Variants in NLRP14 observed in about 807,000 individuals in gnomAD.
The protein encoded by NLRP14 is NLR family pyrin domain containing 14, also known as NACHT, LRR and PYD domains-containing protein 14.
In NLRP14, 105 loss-of-function variants were observed where a neutral mutation model predicts 94.7. The ratio of observed to expected loss-of-function variants is 1.11; its 90% CI spans 0.95 to 1.30. The LOEUF is 1.30. Ranked by LOEUF, NLRP14 falls within the 50% of genes most tolerant of loss-of-function variation. The pLI is 0.00. For missense variants in NLRP14, 1,362 were observed against 1,254.1 expected, an observed-to-expected ratio of 1.09 and a Z score of -1.30; for synonymous variants, 508 against 459.9, an observed-to-expected ratio of 1.10 and a Z score of -1.34.
intron 9 of NLRP14, among the ~76,000 whole-genome samples, chr11:7,061,209 G>A (rs997306008): frequency 6.6e-6 from 1 of 152,028 alleles, no homozygotes; most frequent in Non-Finnish European, 1.5e-5. Context: ...CAATTACACT[G>A]TAGGGTTCAA....
downstream of NLRP14, among the ~76,000 whole-genome samples, chr11:7,074,689 G>T (rs1453017719): frequency 6.6e-6 from 1 of 152,164 alleles, no homozygotes; most frequent in African/African-American, 2.4e-5. Context: ...GAGTGATTGA[G>T]GCATAAGTCT....
chr11:7,088,690 T>TAAG, the NLRP14 span, among the ~76,000 whole-genome samples: 58 of 2,648 alleles, frequency 0.022, 2 homozygotes, highest in South Asian at 0.45. Context: ...ATAATTTTAG[T>TAAG]AATTTAAAAA....
chr11:7,089,020 C>T, the NLRP14 span: 1 of 1,407,572 alleles, frequency 7.1e-7, no homozygotes, highest in Non-Finnish European at 9.8e-7. Flanking sequence ...TAGGCGCCGC[C>T]TGACCAGTAG....
At chr11:7,050,653 T>C (rs552594828) in intron 6 of NLRP14, among the ~76,000 whole-genome samples, 1 of 152,280 alleles carries the variant, frequency 6.6e-6, no homozygotes, top group Admixed American at 6.5e-5. Flanking sequence ...AATCCAGGTG[T>C]AGGAAAAATA....
the NLRP14 span, among the ~76,000 whole-genome samples, chr11:7,087,475 G>C: frequency 6.6e-6 from 1 of 152,146 alleles, no homozygotes; most frequent in Admixed American, 6.5e-5. Flanking sequence ...TGTGCCAGGA[G>C]AGCATATCTC....
At chr11:7,023,791 G>T (rs1304435526) in intron 1 of NLRP14, among the ~76,000 whole-genome samples, 1 of 152,010 alleles carries the variant, frequency 6.6e-6, no homozygotes, top group Non-Finnish European at 1.5e-5. Context: ...GATGGAAGGT[G>T]AAGGGGCTAT....
intron 5 of NLRP14, 36 bp downstream of exon 5, chr11:7,046,868 C>G (rs1423610275): frequency 1.3e-6 from 2 of 1,525,602 alleles, no homozygotes; most frequent in Non-Finnish European, 1.8e-6. Flanking sequence ...TGGAGTTATT[C>G]TAATTTCTTT....
intron 10 of NLRP14, among the ~76,000 whole-genome samples, chr11:7,067,451 T>C (rs1852721411): frequency 6.6e-6 from 1 of 152,218 alleles, no homozygotes. Context: ...GGTATTTTAT[T>C]CTCTTTGTAG....
chr11:7,076,082 C>T (rs1222906821), downstream of NLRP14, among the ~76,000 whole-genome samples: 1 of 152,140 alleles, frequency 6.6e-6, no homozygotes, highest in African/African-American at 2.4e-5. Flanking sequence ...TGCTGTGGAA[C>T]AGTGGTGATG....
At chr11:7,026,381 T>C (rs1852013982) in intron 1 of NLRP14, among the ~76,000 whole-genome samples, 1 of 152,196 alleles carries the variant, frequency 6.6e-6, no homozygotes, top group Admixed American at 6.5e-5. Flanking sequence ...AAGACATTTA[T>C]GCAGCCAAAA....
rs758183524 is a variant in NLRP14, at chr11:7,046,822, C to G, written c.2113C>G (p.Gln705Glu). 1 of 1,612,140 alleles carries G rather than the reference C, an allele frequency of 6.2e-7. No individual in the cohort carries two copies. The highest frequency in any genetic ancestry group is 1.1e-5 in the South Asian group (1 of 91,024). Residue 705 changes from glutamine (Q) to glutamate (E), a missense_variant, in exon 5 of 12, where the codon CAA becomes GAA. By Grantham distance (29) the Gln-to-Glu change is conservative. Coordinates refer to ENST00000299481, the MANE Select transcript of NLRP14 (RefSeq NM_176822.4). The part of the protein sequence containing the change: ...HELRHPNCKL[Q>E]KLLLKFITFP... ...ACTAAGGCACCCAAACTGTAAACTACAAAAGCTACTGTAAGTCTGGTATGA... is the reference window on the plus strand; with the variant it reads ...ACTAAGGCACCCAAACTGTAAACTAGAAAAGCTACTGTAAGTCTGGTATGA...
At chr11:7,073,351 G>T (rs931410073), downstream of NLRP14, among the ~76,000 whole-genome samples, 31 of 152,184 alleles carry the variant, frequency 2.0e-4, no homozygotes, top group Admixed American at 2.0e-3. Context: ...TTATTGTAAG[G>T]CAAAAACCAA....
intron 4 of NLRP14, among the ~76,000 whole-genome samples, chr11:7,044,829 A>G (rs1445275361): frequency 6.6e-6 from 1 of 152,166 alleles, no homozygotes; most frequent in Non-Finnish European, 1.5e-5. Context: ...TTAAGATTAC[A>G]AAACTCAGAG....
chr11:7,081,814 A>G, the NLRP14 span, among the ~76,000 whole-genome samples: 6 of 152,292 alleles, frequency 3.9e-5, no homozygotes, highest in Non-Finnish European at 5.9e-5. Context: ...ATGAGATCTC[A>G]TTATATAGAC....
chr11:7,078,462 A>AAAAAAAAAAAAAAAAAAAAAAAG, the NLRP14 span, among the ~76,000 whole-genome samples: 3 of 88,486 alleles, frequency 3.4e-5, 1 homozygote, highest in Non-Finnish European at 6.0e-5. Context: ...AAAAAAAAAA[A>AAAAAAAAAAAAAAAAAAAAAAAG]CAAAAAAATT....
chr11:7,038,893 C>A lies in NLRP14; in HGVS notation c.289+18C>A, dbSNP rs770179687. On this transcript the variant is annotated intron_variant, in intron 2 of 11. Coordinates refer to ENST00000299481, the MANE Select transcript of NLRP14 (RefSeq NM_176822.4). Reference sequence around the variant, plus strand: ...GATCAACTGTGAGTGATGCTAGGGGCAAATCGGGGGCTAGGCAGGAAGGAA... The same window carrying A: ...GATCAACTGTGAGTGATGCTAGGGGAAAATCGGGGGCTAGGCAGGAAGGAA... 1 of 1,611,424 alleles carries A rather than the reference C, an allele frequency of 6.2e-7. No individual in the cohort carries two copies. The highest frequency in any genetic ancestry group is 1.1e-5 in the South Asian group (1 of 90,560).
chr11:7,046,361 T>C (rs1384252663), intron 4 of NLRP14, among the ~76,000 whole-genome samples: 4 of 152,196 alleles, frequency 2.6e-5, no homozygotes, highest in South Asian at 2.1e-4. Flanking sequence ...TGATATTGGC[T>C]CTTCAAGTAT....
chr11:7,051,535 A>G (rs1278951396), intron 6 of NLRP14, among the ~76,000 whole-genome samples: 7 of 152,226 alleles, frequency 4.6e-5, no homozygotes, highest in Non-Finnish European at 7.3e-5. Context: ...GCTAATTTAA[A>G]AATAAAATAC....
In NLRP14 at chr11:7,049,709, T is replaced by G. The variant is rs1241904240; in HGVS notation, c.2162T>G (p.Ile721Ser). 1 of 1,612,822 alleles carries G rather than the reference T, an allele frequency of 6.2e-7. No homozygotes were observed. Among genetic ancestry groups the G allele is most frequent in the African/African-American group, 1.3e-5 (1 of 74,898 alleles). Residue 721 changes from isoleucine to serine, a missense_variant, in exon 6 of 12, where the codon ATC (isoleucine) becomes AGC (serine). Ile to Ser is a moderately radical substitution (Grantham distance 142). Coordinates refer to ENST00000299481, the MANE Select transcript of NLRP14 (RefSeq NM_176822.4). ...ACTTTCCCTGATGGTTGTCAGGATA[T>G]CTCTACTTCTTTGATTCATAACAAG... Reference protein sequence around the residue: ...FITFPDGCQDISTSLIHNKNL... With the variant: ...FITFPDGCQDSSTSLIHNKNL...
Sources: gnomAD v4.1 joint callset for allele counts (sites outside exome capture counted in the v4.1 genomes callset) on GRCh38, gnomAD v4.1.1 for gene constraint, MANE v1.5 for transcripts, NCBI Gene and HGNC (gene_info 2026-07-23, HGNC 2026-07-21) for gene names.